Variants in NIBAN1 observed in about 807,000 individuals in gnomAD.
NIBAN1 encodes protein Niban 1.
Under a neutral mutation model 75.1 loss-of-function variants are expected in NIBAN1, and 81 were observed. The observed-to-expected ratio is 1.08, with a 90% CI of 0.90 to 1.30. The LOEUF (loss-of-function observed/expected upper bound fraction) is 1.30, where lower values mean the gene tolerates loss of function less well. Among genes scored for constraint, NIBAN1 ranks in the 50% most tolerant of loss-of-function variants. NIBAN1 has a pLI of 0.00. For synonymous variants in NIBAN1, 436 were observed against 424.8 expected (o/e 1.03, Z -0.32); for missense variants, 1,133 against 1,128.1 (o/e 1.00, Z -0.06).
chr1:184,856,355 T>G (rs1655675826), intron 5 of NIBAN1, among the ~76,000 whole-genome samples: 1 of 152,166 alleles, frequency 6.6e-6, no homozygotes. Context: ...TTGATCGGTA[T>G]TTTCTCCCTA....
intron 1 of NIBAN1, among the ~76,000 whole-genome samples, chr1:184,906,359 G>A (rs765189059): frequency 1.3e-5 from 2 of 151,918 alleles, no homozygotes; most frequent in Non-Finnish European, 2.9e-5. Flanking sequence ...GGCTGGGCGC[G>A]GTGGCTCACA....
chr1:184,842,887 T>A (rs1410265320), intron 5 of NIBAN1, among the ~76,000 whole-genome samples: 2 of 150,670 alleles, frequency 1.3e-5, no homozygotes, highest in African/African-American at 5.0e-5. Context: ...TGCAGTTGAT[T>A]TACACATCAC....
intron 1 of NIBAN1, among the ~76,000 whole-genome samples, chr1:184,911,728 T>C (rs1657246494): frequency 6.6e-6 from 1 of 152,234 alleles, no homozygotes; most frequent in South Asian, 2.1e-4. Context: ...CTCTGGACCC[T>C]GCTCTGTATC....
intron 1 of NIBAN1, among the ~76,000 whole-genome samples, chr1:184,939,226 A>G (rs1485668259): frequency 6.6e-6 from 1 of 152,234 alleles, no homozygotes; most frequent in African/African-American, 2.4e-5. Context: ...TGCACTGGGC[A>G]CCACATCAGT....
At chr1:184,926,655 T>C (rs1557917486) in intron 1 of NIBAN1, among the ~76,000 whole-genome samples, 1 of 152,254 alleles carries the variant, frequency 6.6e-6, no homozygotes, top group Non-Finnish European at 1.5e-5. Context: ...GTTAAACCTA[T>C]AACCCAAGTT....
intron 5 of NIBAN1, among the ~76,000 whole-genome samples, chr1:184,840,506 G>A (rs1011090077): frequency 2.6e-5 from 4 of 152,076 alleles, no homozygotes; most frequent in Admixed American, 2.0e-4. Flanking sequence ...TGGAAGAATG[G>A]TGTTTCTAGT....
At chr1:184,828,676 G>A (rs1454874707) in intron 6 of NIBAN1, among the ~76,000 whole-genome samples, 2 of 152,196 alleles carry the variant, frequency 1.3e-5, no homozygotes, top group African/African-American at 2.4e-5. Context: ...TCTGACTTCA[G>A]CCAACTGCTC....
intron 1 of NIBAN1, among the ~76,000 whole-genome samples, chr1:184,938,136 CTGAGA>C (rs1279357646): frequency 6.6e-6 from 1 of 152,118 alleles, no homozygotes; most frequent in Admixed American, 6.5e-5. Context: ...AAGTGACATG[CTGAGA>C]TTTGCACAGA....
At chr1:184,810,615 T>C (rs1654346913) in intron 9 of NIBAN1, among the ~76,000 whole-genome samples, 1 of 152,242 alleles carries the variant, frequency 6.6e-6, no homozygotes, top group South Asian at 2.1e-4. Flanking sequence ...CAACTACTCA[T>C]AGACTGCTAA....
intron 6 of NIBAN1, 94 bp from the exon 7 acceptor site, chr1:184,823,836 T>C (rs1164027618): frequency 2.0e-6 from 2 of 1,011,684 alleles, no homozygotes; most frequent in Non-Finnish European, 3.1e-6. Context: ...GCTGTCCCTG[T>C]CCCGGACCAG....
rs762183782 is a variant in NIBAN1 at position 184,823,186 on chromosome 1, A to G, written c.966T>C (p.Tyr322=). The G allele has an allele frequency of 5.0e-6, 8 of 1,614,212 alleles. No individual in the cohort carries two copies. In the South Asian group the frequency reaches 8.8e-5, roughly 18 times the overall value. The change falls in exon 8 of 14, where the codon TAT becomes TAC. Residue 322 remains tyrosine (Y), a synonymous_variant. Coordinates refer to ENST00000367511, the MANE Select transcript of NIBAN1 (RefSeq NM_052966.4). ...ACTGACCTTTGATCTTTCCAATTAA[A>G]TAGTTCTTTGAGTTCACAATCTGAT... ...DMDQIVNSKN[Y]LIGKIKAMVA...
At chr1:184,852,009 C>T (rs1229703529) in intron 5 of NIBAN1, among the ~76,000 whole-genome samples, 1 of 152,064 alleles carries the variant, frequency 6.6e-6, no homozygotes, top group Non-Finnish European at 1.5e-5. Flanking sequence ...GGGGTCCAAT[C>T]CAAGGTGTTT....
intron 1 of NIBAN1, among the ~76,000 whole-genome samples, chr1:184,943,941 G>C (rs957872921): frequency 2.0e-5 from 3 of 152,156 alleles, no homozygotes; most frequent in African/African-American, 7.2e-5. Context: ...CACAAAAACA[G>C]GGTAAGATGG....
chr1:184,798,072 T>G lies in NIBAN1; in HGVS notation c.1666+7A>C. 6.3e-7 allele frequency: 1 copy of G among 1,589,080 alleles called. No individual in the cohort carries two copies. Among genetic ancestry groups the G allele is most frequent in the Non-Finnish European group, 8.6e-7 (1 of 1,158,638 alleles). On this transcript the variant is annotated splice_region_variant and intron_variant, in intron 13 of 13. Coordinates refer to ENST00000367511, the MANE Select transcript of NIBAN1 (RefSeq NM_052966.4). ...GTGTCCCTGCAGCACCAGGTAACCT[T>G]TCTTACCTTTCAGAGTTTCATCAAG...
chr1:184,889,081 C>A (rs1364297080), intron 4 of NIBAN1, among the ~76,000 whole-genome samples: 1 of 152,114 alleles, frequency 6.6e-6, no homozygotes, highest in African/African-American at 2.4e-5. Flanking sequence ...CTTCAAGAAC[C>A]AAGTAATTAC....
intron 1 of NIBAN1, among the ~76,000 whole-genome samples, chr1:184,937,145 CTTTTTT>C (rs138240427): frequency 9.8e-5 from 9 of 92,128 alleles, no homozygotes; most frequent in Admixed American, 7.9e-4. Context: ...TAGCTGGATT[CTTTTTT>C]TTTTTTTTTT....
At chr1:184,951,650 C>T (rs1387271222) in intron 1 of NIBAN1, among the ~76,000 whole-genome samples, 1 of 152,164 alleles carries the variant, frequency 6.6e-6, no homozygotes, top group Admixed American at 6.5e-5. Flanking sequence ...ATCCCTGGCC[C>T]GGATCACAGC....
intron 5 of NIBAN1, among the ~76,000 whole-genome samples, chr1:184,870,276 G>A (rs539727641): frequency 6.7e-6 from 1 of 150,336 alleles, no homozygotes; most frequent in Non-Finnish European, 1.5e-5. Context: ...CTTTATACAT[G>A]GGAAAGGTTT....
At chr1:184,852,466 T>A (rs751585758) in intron 5 of NIBAN1, among the ~76,000 whole-genome samples, 6 of 152,224 alleles carry the variant, frequency 3.9e-5, no homozygotes, top group Non-Finnish European at 5.9e-5. Flanking sequence ...TTTATCACTG[T>A]ATCCTCAGGC....
Sources: gnomAD v4.1 joint callset for allele counts (sites outside exome capture counted in the v4.1 genomes callset) on GRCh38, gnomAD v4.1.1 for gene constraint, MANE v1.5 for transcripts, NCBI Gene and HGNC (gene_info 2026-07-23, HGNC 2026-07-21) for gene names.